Variants in ADCY10 observed in about 807,000 individuals in gnomAD.
ADCY10 encodes the protein adenylate cyclase 10.
A neutral mutation model predicts 183.3 loss-of-function variants in ADCY10; 156 were observed. That is an observed-to-expected ratio of 0.85 (90% CI 0.75 to 0.97). The LOEUF is 0.97. Among genes scored for constraint, ADCY10 ranks in the 50% least tolerant of loss-of-function variants. The pLI, the probability that ADCY10 is intolerant of heterozygous loss-of-function variation, is 0.00. For synonymous variants in ADCY10, 645 were observed against 670.0 expected, an observed-to-expected ratio of 0.96 and a Z score of 0.58; for missense variants, 1,745 against 1,934.3, an observed-to-expected ratio of 0.90 and a Z score of 1.84.
intron 31 of ADCY10, among the ~76,000 whole-genome samples, chr1:167,817,223 G>C (rs944845627): frequency 6.6e-5 from 10 of 152,314 alleles, no homozygotes; most frequent in Non-Finnish European, 7.4e-5. Flanking sequence ...AAATTAGCCA[G>C]GCATGGTGGC....
At chr1:167,904,083 T>C (rs1045182141) in intron 2 of ADCY10, 92 bp from the exon 3 acceptor site, 26 of 101,244 alleles carry the variant, frequency 2.6e-4, no homozygotes, top group African/African-American at 3.6e-4. Flanking sequence ...GGGCCTCAGC[T>C]TTTTTTTTTT....
At chr1:167,821,385 A>G (rs1330106209) in intron 30 of ADCY10, among the ~76,000 whole-genome samples, 4 of 152,218 alleles carry the variant, frequency 2.6e-5, no homozygotes, top group African/African-American at 4.8e-5. Flanking sequence ...TGCCCTTTCA[A>G]TGATAAGGAG....
rs571418986 is a variant in ADCY10, at chr1:167,817,169, G to C, written c.4482+903C>G. 6.6e-5 allele frequency among the ~76,000 whole-genome samples: 10 copies of C among 152,226 alleles called. No homozygotes were observed. In the South Asian group the frequency reaches 1.7e-3, roughly 25 times the overall value. ...ACTTGAGGTCAAGAGTTCAAGACCA[G>C]CCTGGCTAATGTGGTGAAATCCCCA... is the stretch of plus-strand genomic sequence containing the variant. On this transcript the variant is annotated intron_variant, in intron 31 of 32. Coordinates refer to ENST00000367851, the MANE Select transcript of ADCY10 (RefSeq NM_018417.6).
intron 9 of ADCY10, 66 bp from the exon 10 acceptor site, chr1:167,880,675 G>A: frequency 1.6e-6 from 2 of 1,248,934 alleles, no homozygotes; most frequent in Non-Finnish European, 2.4e-6. Context: ...CTGGCCAGAA[G>A]GCTCAACAGA....
chr1:167,844,403 A>G (rs1165577879), intron 21 of ADCY10, among the ~76,000 whole-genome samples: 1 of 152,228 alleles, frequency 6.6e-6, no homozygotes, highest in Non-Finnish European at 1.5e-5. Context: ...GCAAAGCTGC[A>G]ACTTTCTCAT....
chr1:167,892,162 A>G (rs412542), intron 8 of ADCY10, among the ~76,000 whole-genome samples: 39,838 of 151,740 alleles, frequency 0.26, 5,601 homozygotes, highest in African/African-American at 0.37. Context: ...TGTGGAGATG[A>G]GGTTTTGCCA....
Position 167,893,870 on chromosome 1 carries a change from C to G in ADCY10, c.811G>C (p.Glu271Gln). ...LEMSLQKYVM[E>Q]SILKQIDNKQ... ...GAAAATACCTGCTTCAAAATGCTTT[C>G]CATCACATACTTTTGTAGGGACATC... The change falls in exon 8 of 33, where the codon GAA (glutamate) becomes CAA (glutamine). Residue 271 changes from glutamate to glutamine, a missense_variant. Physicochemically the swap from Glu to Gln is conservative, Grantham distance 29. Transcript: ENST00000367851. 1 of 1,612,538 alleles carries G rather than the reference C, an allele frequency of 6.2e-7. No individual in the cohort carries two copies. Among genetic ancestry groups the G allele is most frequent in the Non-Finnish European group, 8.5e-7 (1 of 1,179,134 alleles).
chr1:167,826,742 C>A (rs1435972903), intron 26 of ADCY10, among the ~76,000 whole-genome samples: 1 of 152,166 alleles, frequency 6.6e-6, no homozygotes, highest in East Asian at 1.9e-4. Flanking sequence ...AGAACCAATG[C>A]AGGAGCAAAC....
In ADCY10 at chr1:167,834,331, C is replaced by T. The variant is rs527473433; in HGVS notation, c.3310-254G>A. ...TCAAGAGAATGAATCTGGAAATCTCCACCTTTCTTCACACTATCATCTAGG... is the reference window on the plus strand; with the variant it reads ...TCAAGAGAATGAATCTGGAAATCTCTACCTTTCTTCACACTATCATCTAGG... On this transcript the variant is annotated intron_variant, in intron 23 of 32. Transcript: ENST00000367851. 114 of 557,752 alleles carry T rather than the reference C, an allele frequency of 2.0e-4. 2 individuals carry two copies. Among genetic ancestry groups the T allele is most frequent in the South Asian group, 2.0e-3 (98 of 49,040 alleles). The allele number at this position is 557,752 out of a possible 1,614,324, so 34.6% of individuals were successfully genotyped here.
intron 4 of ADCY10, 28 bp downstream of exon 4, chr1:167,901,988 C>T (rs1225191874): frequency 1.9e-6 from 3 of 1,613,558 alleles, no homozygotes; most frequent in Admixed American, 3.3e-5. Flanking sequence ...TCCTTTCTTA[C>T]CCCTTCTATC....
chr1:167,870,385 G>C lies in ADCY10; in HGVS notation c.1488C>G (p.Phe496Leu). The change falls in exon 14 of 33, where the codon TTC becomes TTG. Residue 496 changes from phenylalanine (F) to leucine (L), a missense_variant. Phe to Leu is a conservative substitution (Grantham distance 22, BLOSUM62 0). Transcript: ENST00000367851. Reference sequence around the variant, plus strand: ...TCAAAAATTTCTTCATAGTATACATGAAGTAGTTGATCTCTTTATTACGTC... The same window carrying C: ...TCAAAAATTTCTTCATAGTATACATCAAGTAGTTGATCTCTTTATTACGTC... ...LLGRNKEINY[F>L]MYTMKKFLIS... 1 of 1,611,054 alleles carries C rather than the reference G, an allele frequency of 6.2e-7. No homozygotes were observed. Among genetic ancestry groups the C allele is most frequent in the Non-Finnish European group, 8.5e-7 (1 of 1,177,410 alleles).
chr1:167,836,490 G>A lies in ADCY10; in HGVS notation c.3128C>T (p.Thr1043Ile). Residue 1043 changes from threonine (T) to isoleucine (I), a missense_variant, in exon 23 of 33, where the codon ACA becomes ATA. By Grantham distance (89) the Thr-to-Ile change is moderately conservative (BLOSUM62 -1). Coordinates refer to ENST00000367851, the MANE Select transcript of ADCY10 (RefSeq NM_018417.6). ...GTCTTCGTCAGATGTCTTCATTTTTGTTAAAACGTGGTCAAAGAAATTCAA... is the reference window on the plus strand; with the variant it reads ...GTCTTCGTCAGATGTCTTCATTTTTATTAAAACGTGGTCAAAGAAATTCAA... ...KILNFFDHVLTKMKTSDEDII... is the reference protein window; with the variant it reads ...KILNFFDHVLIKMKTSDEDII... 1.9e-6 allele frequency: 3 copies of A among 1,614,036 alleles called. No homozygotes were observed. The highest frequency in any genetic ancestry group is 2.5e-6 in the Non-Finnish European group (3 of 1,179,912).
At chr1:167,894,004 G>A (rs1668787829) in intron 7 of ADCY10, 63 bp from the exon 8 acceptor site, 1 of 1,151,650 alleles carries the variant, frequency 8.7e-7, no homozygotes, top group African/African-American at 1.5e-5. Flanking sequence ...GTGCTAGTGA[G>A]AGGAGGCTCC....
intron 16 of ADCY10, among the ~76,000 whole-genome samples, chr1:167,858,146 A>G (rs1465495026): frequency 1.3e-5 from 2 of 152,182 alleles, no homozygotes; most frequent in African/African-American, 4.8e-5. Context: ...ATTATGTACA[A>G]TTATGAGGCA....
At chr1:167,834,217 C>CTGAT in intron 23 of ADCY10, 140 bp from the exon 24 acceptor site, 1 of 712,426 alleles carries the variant, frequency 1.4e-6, no homozygotes, top group Non-Finnish European at 2.5e-6. Context: ...CCCAGCTCCA[C>CTGAT]TGATTAAAAT....
chr1:167,874,781 A>T (rs1173600239), intron 13 of ADCY10, among the ~76,000 whole-genome samples: 1 of 152,254 alleles, frequency 6.6e-6, no homozygotes, highest in African/African-American at 2.4e-5. Context: ...CTACATAGTA[A>T]TGACATAGAA....
rs2101901844 is a variant in ADCY10, at chr1:167,832,994, G to A, written c.3586C>T (p.Pro1196Ser). 1 of 1,613,868 alleles carries A rather than the reference G, an allele frequency of 6.2e-7. No homozygotes were observed. The highest frequency in any genetic ancestry group is 1.1e-5 in the South Asian group (1 of 91,066). ...CCCAGCTCCTTCCCTTACCCTGGAG[G>A]TGGGCTCTCTTGGGCCTGCCGATTC... ...YVNRQAQESP[P>S]PGKKRLAQLY... is the part of the protein sequence containing the mutation. The change falls in exon 25 of 33, where the codon CCT becomes TCT. Residue 1196 changes from proline (P) to serine (S), a missense_variant. Pro to Ser is a moderately conservative substitution (Grantham distance 74). Coordinates refer to ENST00000367851, the MANE Select transcript of ADCY10 (RefSeq NM_018417.6).
At chr1:167,825,971 A>G (rs911972907) in intron 26 of ADCY10, among the ~76,000 whole-genome samples, 1 of 152,232 alleles carries the variant, frequency 6.6e-6, no homozygotes, top group African/African-American at 2.4e-5. Flanking sequence ...CATGTAAACT[A>G]CTTTGAAAAA....
chr1:167,822,264 A>T (rs940620337), intron 29 of ADCY10, 123 bp from the exon 30 acceptor site: 10 of 786,344 alleles, frequency 1.3e-5, no homozygotes, highest in African/African-American at 1.7e-5. Flanking sequence ...GTATGAATCC[A>T]GAGGGTCCCG....
Sources: gnomAD v4.1 joint callset for allele counts (sites outside exome capture counted in the v4.1 genomes callset) on GRCh38, gnomAD v4.1.1 for gene constraint, MANE v1.5 for transcripts, NCBI Gene and HGNC (gene_info 2026-07-23, HGNC 2026-07-21) for gene names.